THSD7A: variants seen among roughly 807,000 people sequenced by gnomAD.
THSD7A encodes thrombospondin type 1 domain containing 7A.
In THSD7A, 96 loss-of-function variants were observed where a neutral mutation model predicts 231.3. The observed-to-expected ratio is 0.41, with a 90% CI of 0.35 to 0.49. The LOEUF (loss-of-function observed/expected upper bound fraction) is 0.49. Among genes scored for constraint, THSD7A ranks in the 20% least tolerant of loss-of-function variants. The probability of loss-of-function intolerance (pLI) is 0.05; values close to 1 mark genes in which losing one functional copy is unlikely to be tolerated. For synonymous variants in THSD7A, 940 were observed against 743.3 expected (o/e 1.26, Z -4.30); for missense variants, 2,290 against 2,070.2 (o/e 1.11, Z -2.06).
At chr7:11,583,904 G>C (rs1370597023) in intron 4 of THSD7A, among the ~76,000 whole-genome samples, 1 of 152,116 alleles carries the variant, frequency 6.6e-6, no homozygotes, top group African/African-American at 2.4e-5. Context: ...CCCATAATTG[G>C]AATTCTTAGT....
Position 11,733,285 on chromosome 7 carries a change from T to TTATCCCC in THSD7A, c.191-96331_191-96325dup, listed in dbSNP as rs1313539549. Among the ~76,000 whole-genome samples the TTATCCCC allele has an allele frequency of 7.9e-5, 12 of 152,002 alleles. No homozygotes were observed. In the East Asian group the frequency reaches 2.3e-3, roughly 30 times the overall value. On this transcript the variant is annotated intron_variant, in intron 1 of 27. Transcript: ENST00000423059. ...TATTATGTCAGTAACAGCCCTGTTG[T>TTATCCCC]TATCCCCATGAATTTTCATTTGATA... is the stretch of plus-strand genomic sequence containing the variant.
Position 11,769,151 on chromosome 7 carries a change from ATAT to A in THSD7A, c.190+62603_190+62605del, listed in dbSNP as rs1488580034. On this transcript the variant is annotated intron_variant, in intron 1 of 27. Coordinates refer to ENST00000423059, the MANE Select transcript of THSD7A (RefSeq NM_015204.3). ...TATATATATATATATATATATATAT[ATAT>A]TTTTTTTTTTTTTTGGTATTTTTGT... Among the ~76,000 whole-genome samples the A allele has an allele frequency of 2.0e-3, 70 of 35,460 alleles. 1 individual carries two copies. In the East Asian group the frequency reaches 0.039, roughly 20 times the overall value. 23.3% of individuals were successfully genotyped at this position (35,460 alleles called of 152,430 possible). A position where few individuals can be genotyped will look rare whatever the true frequency, so the allele number is the denominator to read the frequency against.
chr7:11,806,133 T>C (rs1784392300), intron 1 of THSD7A, among the ~76,000 whole-genome samples: 1 of 152,170 alleles, frequency 6.6e-6, no homozygotes, highest in East Asian at 1.9e-4. Context: ...AATTAGAATC[T>C]ACTTAACACC....
intron 7 of THSD7A, among the ~76,000 whole-genome samples, chr7:11,477,011 C>A (rs1465516531): frequency 2.6e-5 from 4 of 152,050 alleles, no homozygotes; most frequent in African/African-American, 9.7e-5. Flanking sequence ...TTCCTATGAT[C>A]AAGAGCATTC....
intron 4 of THSD7A, among the ~76,000 whole-genome samples, chr7:11,588,394 C>G (rs1205736032): frequency 6.6e-6 from 1 of 152,054 alleles, no homozygotes; most frequent in African/African-American, 2.4e-5. Flanking sequence ...CGTTAGTATT[C>G]TTGGTATTTG....
intron 1 of THSD7A, among the ~76,000 whole-genome samples, chr7:11,711,632 G>C (rs1444829340): frequency 6.6e-6 from 1 of 151,018 alleles, no homozygotes; most frequent in East Asian, 2.0e-4. Context: ...GTACAATTTA[G>C]GTACTAAGCA....
At chr7:11,535,568 G>A (rs1788881288) in intron 6 of THSD7A, among the ~76,000 whole-genome samples, 2 of 151,288 alleles carry the variant, frequency 1.3e-5, no homozygotes, top group South Asian at 4.2e-4. Flanking sequence ...AGAGACCTTA[G>A]ATTTAACATA....
chr7:11,552,896 C>G (rs1169604669), intron 4 of THSD7A, among the ~76,000 whole-genome samples: 1 of 152,064 alleles, frequency 6.6e-6, no homozygotes, highest in Non-Finnish European at 1.5e-5. Flanking sequence ...AAATCAGACA[C>G]CGCCTCCTCA....
At position 11,493,307 on chromosome 7, in the gene THSD7A, C is replaced by T. The variant is rs1156396321; in HGVS notation, c.1823-11325G>A. Among the ~76,000 whole-genome samples, 3 of 152,158 alleles carry T rather than the reference C, an allele frequency of 2.0e-5. No homozygotes were observed. In the East Asian group the frequency reaches 5.8e-4, roughly 29 times the overall value. ...GAGTTTGGGATGGGCCAAGATGGAA[C>T]TCTGGAACCAGTCAACATACGTTGA... is the stretch of plus-strand genomic sequence containing the variant. On this transcript the variant is annotated intron_variant, in intron 6 of 27. Transcript: ENST00000423059.
chr7:11,686,326 C>T (rs1455782057), intron 1 of THSD7A, among the ~76,000 whole-genome samples: 4 of 151,790 alleles, frequency 2.6e-5, no homozygotes, highest in Admixed American at 6.6e-5. Context: ...CACATGTACC[C>T]CGAATCTAAA....
chr7:11,461,297 CAGAATT>C (rs1785496929), intron 10 of THSD7A, among the ~76,000 whole-genome samples: 1 of 152,098 alleles, frequency 6.6e-6, no homozygotes, highest in Admixed American at 6.6e-5. Flanking sequence ...TTTGTCATCT[CAGAATT>C]AAAGATTGAT....
At chr7:11,523,995 A>G (rs1286505286) in intron 6 of THSD7A, among the ~76,000 whole-genome samples, 1 of 152,156 alleles carries the variant, frequency 6.6e-6, no homozygotes, top group African/African-American at 2.4e-5. Context: ...AACATTTCAT[A>G]GTTTCTACTT....
At chr7:11,659,447 G>A (rs1445512830) in intron 1 of THSD7A, among the ~76,000 whole-genome samples, 1 of 151,376 alleles carries the variant, frequency 6.6e-6, no homozygotes, top group Non-Finnish European at 1.5e-5. Context: ...ACTTCACTCT[G>A]TAAACTTATA....
chr7:11,636,426 T>C lies in THSD7A; in HGVS notation c.726A>G (p.Gln242=), dbSNP rs1427056964. The change falls in exon 2 of 28, where the codon CAA becomes CAG. Residue 242 remains glutamine, a synonymous_variant. Transcript: ENST00000423059. The surrounding 1 kb of genome is among the most constrained non-coding windows in gnomAD (Gnocchi z 10.0). ...CPNLTEFQVC[Q]SSPCEAEELR... ...GCTCCTCGGCCTCGCATGGACTGGA[T>C]TGGCACACCTGGAACTCCGTCAGGT... 3.7e-6 allele frequency: 6 copies of C among 1,613,682 alleles called. No individual in the cohort carries two copies. Among genetic ancestry groups the C allele is most frequent in the South Asian group, 2.2e-5 (2 of 91,080 alleles).
chr7:11,538,102 G>A (rs1394223184), intron 6 of THSD7A, among the ~76,000 whole-genome samples: 2 of 152,144 alleles, frequency 1.3e-5, no homozygotes, highest in Non-Finnish European at 2.9e-5. Flanking sequence ...AACAATCTGG[G>A]TCAAGGAGGA....
intron 1 of THSD7A, among the ~76,000 whole-genome samples, chr7:11,736,227 A>C (rs545333467): frequency 6.6e-6 from 1 of 151,958 alleles, no homozygotes. Flanking sequence ...TTCGAAAAAT[A>C]ATAATTAGCT....
At chr7:11,426,846 C>A (rs185129001) in intron 14 of THSD7A, among the ~76,000 whole-genome samples, 175 bp from the exon 15 acceptor site, 8 of 152,152 alleles carry the variant, frequency 5.3e-5, no homozygotes, top group Admixed American at 2.0e-4. Flanking sequence ...AGATAATACA[C>A]AACTACTTAT....
Position 11,809,277 on chromosome 7 carries a change from T to A in THSD7A, c.190+22480A>T, listed in dbSNP as rs566082343. On this transcript the variant is annotated intron_variant, in intron 1 of 27. Coordinates refer to ENST00000423059, the MANE Select transcript of THSD7A (RefSeq NM_015204.3). Reference sequence around the variant, plus strand: ...ACAGGTGAAAATGAAAATAGAGTATTGTTGTTAAAGTGCTGACATAAGTCA... The same window carrying A: ...ACAGGTGAAAATGAAAATAGAGTATAGTTGTTAAAGTGCTGACATAAGTCA... 5.7e-4 allele frequency among the ~76,000 whole-genome samples: 87 copies of A among 152,230 alleles called. 2 individuals carry two copies. The highest frequency in any genetic ancestry group is 3.4e-3 in the Middle Eastern group (1 of 294).
At position 11,792,483 on chromosome 7, in the gene THSD7A, C is replaced by G. The variant is rs146993919; in HGVS notation, c.190+39274G>C. On this transcript the variant is annotated intron_variant, in intron 1 of 27. Coordinates refer to ENST00000423059, the MANE Select transcript of THSD7A (RefSeq NM_015204.3). ...CTCCCCCAATATATCTTGCACCAAG[C>G]CTTATAGTGGGGACAATCTAATCAC... Among the ~76,000 whole-genome samples the G allele has an allele frequency of 2.6e-5, 4 of 152,020 alleles. 1 individual carries two copies. Among genetic ancestry groups the G allele is most frequent in the South Asian group, 4.1e-4 (2 of 4,826 alleles).
Sources: gnomAD v4.1 joint callset for allele counts (sites outside exome capture counted in the v4.1 genomes callset) on GRCh38, gnomAD v4.1.1 for gene constraint, Gnocchi (gnomAD v3.1) non-coding constraint, MANE v1.5 for transcripts, NCBI Gene and HGNC (gene_info 2026-07-23, HGNC 2026-07-21) for gene names.